The following RANGAP1 variants were observed in gnomAD, a reference collection of about 807,000 sequenced individuals.
RANGAP1 encodes ran GTPase-activating protein 1.
RANGAP1 carries 38 observed loss-of-function variants against 63.5 expected under a neutral mutation model. The ratio of observed to expected loss-of-function variants is 0.60; its 90% CI spans 0.46 to 0.78. The LOEUF is 0.78. Ranked by LOEUF, RANGAP1 falls within the 30% of genes least tolerant of loss-of-function variation. The probability of loss-of-function intolerance (pLI) is 0.00; values close to 1 mark genes in which losing one functional copy is unlikely to be tolerated. For synonymous variants in RANGAP1, 329 were observed against 310.5 expected (o/e 1.06, Z -0.63); for missense variants, 630 against 740.3 (o/e 0.85, Z 1.73).
chr22:41,280,905 C>T, intron 2 of RANGAP1, 28 bp downstream of exon 2: 2 of 1,613,442 alleles, frequency 1.2e-6, no homozygotes, highest in East Asian at 4.5e-5. Flanking sequence ...CCCCTGGACA[C>T]ACCAGTGCAC....
intron 2 of RANGAP1, among the ~76,000 whole-genome samples, chr22:41,277,129 G>A (rs2035197374): frequency 7.7e-6 from 1 of 130,524 alleles, no homozygotes; most frequent in Admixed American, 8.0e-5. Flanking sequence ...CCAGGCTGGA[G>A]TGCAGTGGCG....
chr22:41,246,009 A>C lies in RANGAP1; in HGVS notation c.*594T>G. The C allele has an allele frequency of 6.5e-6, 1 of 153,604 alleles. No individual in the cohort carries two copies. The highest frequency in any genetic ancestry group is 1.4e-5 in the Non-Finnish European group (1 of 69,060). 9.5% of individuals were successfully genotyped at this position (153,604 alleles called of 1,614,324 possible). A position where few individuals can be genotyped will look rare whatever the true frequency, so the allele number is the denominator to read the frequency against. On this transcript the variant is annotated 3_prime_UTR_variant, in exon 16 of 16. Coordinates refer to ENST00000356244, the MANE Select transcript of RANGAP1 (RefSeq NM_002883.4). ...GTGGGGCCCAGGGTTGCCCTCTGCCAACAACCCCACGATCCGACCCCCACA... is the reference window on the plus strand; with the variant it reads ...GTGGGGCCCAGGGTTGCCCTCTGCCCACAACCCCACGATCCGACCCCCACA...
chr22:41,249,565 T>G, intron 14 of RANGAP1, 114 bp from the exon 15 acceptor site: 1 of 1,555,830 alleles, frequency 6.4e-7, no homozygotes, highest in Non-Finnish European at 8.7e-7. Flanking sequence ...AGCCGGAATC[T>G]CATCGTGAAG....
chr22:41,278,318 C>T (rs755762614), intron 2 of RANGAP1, among the ~76,000 whole-genome samples: 3 of 152,136 alleles, frequency 2.0e-5, no homozygotes, highest in East Asian at 3.9e-4. Context: ...GGATTACAGG[C>T]GTGAGCCACC....
chr22:41,246,801 C>T (rs2033067264), intron 15 of RANGAP1, 129 bp from the exon 16 acceptor site: 2 of 861,990 alleles, frequency 2.3e-6, no homozygotes, highest in Non-Finnish European at 1.8e-6. Context: ...GACATTAGCC[C>T]TCTGCCTTCT....
intron 11 of RANGAP1, among the ~76,000 whole-genome samples, 190 bp downstream of exon 11, chr22:41,254,118 A>G (rs935457002): frequency 1.3e-5 from 2 of 152,094 alleles, no homozygotes; most frequent in African/African-American, 4.8e-5. Context: ...CAAAAAAAAA[A>G]AAAAGAAATA....
chr22:41,301,418 A>G, the RANGAP1 span: 1 of 152,076 alleles, frequency 6.6e-6, no homozygotes, highest in African/African-American at 2.4e-5. Flanking sequence ...ACTCGCCCCC[A>G]CGCCCCCCGC....
upstream of RANGAP1, among the ~76,000 whole-genome samples, chr22:41,289,379 C>T (rs1046213484): frequency 1.3e-5 from 2 of 151,676 alleles, no homozygotes; most frequent in Non-Finnish European, 2.9e-5. Context: ...CCCAGCACTT[C>T]GGGAGGGCGA....
At chr22:41,286,997 C>A (rs1293339329), upstream of RANGAP1, among the ~76,000 whole-genome samples, 2 of 152,160 alleles carry the variant, frequency 1.3e-5, no homozygotes, top group Non-Finnish European at 2.9e-5. Flanking sequence ...CAACTGAATG[C>A]AAGACATGGT....
At position 41,264,649 on chromosome 22, in the gene RANGAP1, G is replaced by A; in HGVS notation, c.480+15C>T. On this transcript the variant is annotated intron_variant, in intron 5 of 15. Coordinates refer to ENST00000356244, the MANE Select transcript of RANGAP1 (RefSeq NM_002883.4). The stretch of plus-strand genomic sequence containing the variant: ...GGACCAGGGGACTCTGCGGGGAGGG[G>A]GCTGCCACACCCACCTTGCCGCCGC... The A allele has an allele frequency of 6.2e-7, 1 of 1,605,830 alleles. No homozygotes were observed. Among genetic ancestry groups the A allele is most frequent in the Non-Finnish European group, 8.5e-7 (1 of 1,174,098 alleles).
chr22:41,254,050 G>C (rs954702928), intron 11 of RANGAP1, among the ~76,000 whole-genome samples: 1 of 151,120 alleles, frequency 6.6e-6, no homozygotes, highest in Non-Finnish European at 1.5e-5. Flanking sequence ...AGAGGTTGCA[G>C]TGAGCCGAGA....
intron 13 of RANGAP1, 64 bp downstream of exon 13, chr22:41,250,943 G>C (rs904789725): frequency 2.2e-6 from 3 of 1,372,408 alleles, no homozygotes; most frequent in Admixed American, 1.8e-5. Context: ...AACCACGAAG[G>C]ATACCTGGGG....
chr22:41,274,485 G>C (rs906813392), intron 3 of RANGAP1, 115 bp downstream of exon 3: 250 of 1,473,198 alleles, frequency 1.7e-4, no homozygotes, highest in Non-Finnish European at 2.2e-4. Context: ...GAGCTGCTTG[G>C]GGTACAGCCA....
chr22:41,247,655 C>T (rs1026768142), intron 15 of RANGAP1, among the ~76,000 whole-genome samples: 12 of 152,204 alleles, frequency 7.9e-5, no homozygotes, highest in Admixed American at 7.2e-4. Context: ...CCTGAGCTGG[C>T]TGTTGTTGCC....
At chr22:41,263,406 C>G (rs767387040) in intron 5 of RANGAP1, among the ~76,000 whole-genome samples, 3 of 152,126 alleles carry the variant, frequency 2.0e-5, no homozygotes, top group Non-Finnish European at 4.4e-5. Flanking sequence ...TTTTTTGAGA[C>G]GGAGTTTTGC....
Position 41,274,636 on chromosome 22 carries a change from G to C in RANGAP1, c.204C>G (p.Val68=). 1.2e-6 allele frequency: 2 copies of C among 1,614,182 alleles called. No homozygotes were observed. The highest frequency in any genetic ancestry group is 1.7e-6 in the Non-Finnish European group (2 of 1,180,020). ...GNTVGVEAAR[V]IAKALEKKSE... ...ACTTCTTCTCTAAGGCCTTGGCGAT[G>C]ACCCTGGCTGCTTCCACGCCCACTG... The change falls in exon 3 of 16, where the codon GTC becomes GTG. Residue 68 remains valine, a synonymous_variant. Transcript: ENST00000356244.
rs756539817 is a variant in RANGAP1, at chr22:41,256,180, C to T, written c.988+11G>A. ...AGCAGACCTGTGCAGAGGCCTCCCC[C>T]ATCCGACTACCATTCAGGTCCAGCT... is the stretch of plus-strand genomic sequence containing the variant. On this transcript the variant is annotated intron_variant, in intron 9 of 15. Transcript: ENST00000356244. The T allele has an allele frequency of 6.2e-7, 1 of 1,614,088 alleles. No homozygotes were observed. The highest frequency in any genetic ancestry group is 1.1e-5 in the South Asian group (1 of 91,078).
intron 6 of RANGAP1, among the ~76,000 whole-genome samples, chr22:41,258,655 C>CT (rs893614369): frequency 2.8e-4 from 42 of 151,680 alleles, no homozygotes; most frequent in African/African-American, 9.2e-4. Context: ...TTTCTTTTTT[C>CT]TTTTTTTTTC....
chr22:41,291,975 G>A, the RANGAP1 span, among the ~76,000 whole-genome samples: 2 of 151,714 alleles, frequency 1.3e-5, no homozygotes, highest in Admixed American at 6.6e-5. Context: ...AGGCTGGGGT[G>A]CAGTGGTGCA....
Sources: gnomAD v4.1 joint callset for allele counts (sites outside exome capture counted in the v4.1 genomes callset) on GRCh38, gnomAD v4.1.1 for gene constraint, MANE v1.5 for transcripts, NCBI Gene and HGNC (gene_info 2026-07-23, HGNC 2026-07-21) for gene names.